The following FAM13A variants were observed in gnomAD, a reference collection of about 807,000 sequenced individuals.
FAM13A encodes the protein protein FAM13A.
Under a neutral mutation model 129.6 loss-of-function variants are expected in FAM13A, and 76 were observed. The observed-to-expected ratio is 0.59, with a 90% CI of 0.49 to 0.71. The LOEUF is 0.71. FAM13A is among the 30% of genes least tolerant of loss of function. The pLI is 0.00. For synonymous variants in FAM13A, 443 were observed against 449.9 expected (o/e 0.98, Z 0.20); for missense variants, 1,108 against 1,249.3 (o/e 0.89, Z 1.70).
At chr4:88,840,907 T>C (rs977510572) in intron 7 of FAM13A, among the ~76,000 whole-genome samples, 3 of 152,094 alleles carry the variant, frequency 2.0e-5, no homozygotes, top group African/African-American at 7.2e-5. Context: ...TTTCAGCAAA[T>C]GGTGCTGGGA....
chr4:88,913,081 GGAA>G (rs1224260839), intron 5 of FAM13A, among the ~76,000 whole-genome samples: 85 of 147,992 alleles, frequency 5.7e-4, no homozygotes, highest in South Asian at 1.9e-3. Flanking sequence ...AAGAGGAGGA[GGAA>G]GAAGAAGAAG....
intron 7 of FAM13A, among the ~76,000 whole-genome samples, chr4:88,850,795 A>G (rs1737432683): frequency 6.6e-6 from 1 of 152,244 alleles, no homozygotes; most frequent in African/African-American, 2.4e-5. Flanking sequence ...TCTGTTGATT[A>G]AATCACTTGT....
chr4:88,986,093 G>A (rs1173037064), intron 4 of FAM13A, among the ~76,000 whole-genome samples: 1 of 151,654 alleles, frequency 6.6e-6, no homozygotes, highest in African/African-American at 2.4e-5. Context: ...AATGATAAAA[G>A]GGAAACTTCT....
chr4:88,928,050 T>A (rs1312127549), intron 5 of FAM13A, among the ~76,000 whole-genome samples: 1 of 152,088 alleles, frequency 6.6e-6, no homozygotes, highest in Non-Finnish European at 1.5e-5. Flanking sequence ...TTCATCTGAT[T>A]CAAAAAATTT....
rs767609896 is a variant in FAM13A, at chr4:88,749,001, C to T, written c.2112G>A (p.Glu704=). The change falls in exon 17 of 24, where the codon GAG becomes GAA. Residue 704 remains glutamate, a synonymous_variant. Coordinates refer to ENST00000264344, the MANE Select transcript of FAM13A (RefSeq NM_014883.4). Reference sequence around the variant, plus strand: ...CAAGGTCATTTGTCCATTTCAGAACCTCCGGATTGGCTGCTTTGTCACTGT... The same window carrying T: ...CAAGGTCATTTGTCCATTTCAGAACTTCCGGATTGGCTGCTTTGTCACTGT... The part of the protein sequence containing the change: ...PSHSDKAANP[E]VLKWTNDLAK... The T allele has an allele frequency of 1.2e-6, 2 of 1,614,034 alleles. No individual in the cohort carries two copies.
At chr4:88,939,201 G>C (rs1754340967) in intron 4 of FAM13A, among the ~76,000 whole-genome samples, 1 of 152,062 alleles carries the variant, frequency 6.6e-6, no homozygotes, top group African/African-American at 2.4e-5. Flanking sequence ...GGTGTCAGCT[G>C]GGCTATACTC....
chr4:88,860,359 A>C (rs753908562), intron 6 of FAM13A, among the ~76,000 whole-genome samples: 2 of 152,240 alleles, frequency 1.3e-5, no homozygotes, highest in Non-Finnish European at 2.9e-5. Flanking sequence ...GTGCTGTAAG[A>C]CTTACACTGT....
intron 7 of FAM13A, among the ~76,000 whole-genome samples, chr4:88,834,469 T>A (rs189364937): frequency 2.1e-4 from 32 of 152,272 alleles, no homozygotes; most frequent in African/African-American, 7.0e-4. Flanking sequence ...AAAAAAGCAC[T>A]GAAATTAACT....
chr4:88,756,526 C>CA lies in FAM13A; in HGVS notation c.1726+2227dup, dbSNP rs796969312. Among the ~76,000 whole-genome samples the CA allele has an allele frequency of 5.7e-4, 86 of 152,010 alleles. 1 individual carries two copies. The highest frequency in any genetic ancestry group is 1.9e-3 in the African/African-American group (80 of 41,494). Reference sequence around the variant, plus strand: ...TGGGGATGGGAAGGAGCAACCAAACCAAAAAAGAGGGGATGGTGCCTTGAA... The same window carrying CA: ...TGGGGATGGGAAGGAGCAACCAAACCAAAAAAAGAGGGGATGGTGCCTTGAA... On this transcript the variant is annotated intron_variant, in intron 14 of 23. Transcript: ENST00000264344.
intron 7 of FAM13A, among the ~76,000 whole-genome samples, chr4:88,829,604 T>C (rs1328227701): frequency 6.6e-6 from 1 of 152,352 alleles, no homozygotes; most frequent in Non-Finnish European, 1.5e-5. Context: ...TATTCTGGTG[T>C]TGTTATACAA....
At chr4:88,742,518 A>C (rs1438796812) in intron 19 of FAM13A, among the ~76,000 whole-genome samples, 2 of 152,358 alleles carry the variant, frequency 1.3e-5, no homozygotes, top group East Asian at 3.9e-4. Flanking sequence ...AGGTAAGAGA[A>C]AGGTAAGAAT....
rs148935691 is a variant in FAM13A at position 88,857,987 on chromosome 4, T to C, written c.844-6804A>G. 1.3e-3 allele frequency among the ~76,000 whole-genome samples: 201 copies of C among 152,362 alleles called. 1 individual carries two copies. Among genetic ancestry groups the C allele is most frequent in the African/African-American group, 4.6e-3 (193 of 41,588 alleles). On this transcript the variant is annotated intron_variant, in intron 6 of 23. Coordinates refer to ENST00000264344, the MANE Select transcript of FAM13A (RefSeq NM_014883.4). ...ATATATTAATTCTATTGTGTAAACA[T>C]TGCTCTTATTTTAGAACTTTCATTT...
At chr4:88,880,417 AG>A (rs1329443813) in intron 6 of FAM13A, among the ~76,000 whole-genome samples, 2 of 152,038 alleles carry the variant, frequency 1.3e-5, no homozygotes, top group Non-Finnish European at 2.9e-5. Flanking sequence ...AGGAAGCAGC[AG>A]GAAGAGCTCT....
chr4:88,833,923 T>C (rs988035760), intron 7 of FAM13A, among the ~76,000 whole-genome samples: 3 of 152,052 alleles, frequency 2.0e-5, no homozygotes, highest in Non-Finnish European at 4.4e-5. Flanking sequence ...ATTAATTTAA[T>C]TTAATTTTAC....
rs556045389 is a variant in FAM13A at position 88,906,362 on chromosome 4, G to C, written c.843+17C>G. 110 of 1,531,596 alleles carry C rather than the reference G, an allele frequency of 7.2e-5. No individual in the cohort carries two copies. The South Asian group carries it at 9.1e-4, about 13-fold the overall frequency. The allele number at this position is 1,531,596 out of a possible 1,614,324, so 94.9% of individuals were successfully genotyped here. A position where few individuals can be genotyped will look rare whatever the true frequency, so the allele number is the denominator to read the frequency against. On this transcript the variant is annotated intron_variant, in intron 6 of 23. Transcript: ENST00000264344. The stretch of plus-strand genomic sequence containing the variant: ...TAAAGATTTCACATGGTCGCCTACA[G>C]AGAAAACATAGTTTACCTTGGTTTT...
rs149708979 is a variant in FAM13A, at chr4:88,946,216, G to C, written c.606-7975C>G. Among the ~76,000 whole-genome samples the C allele has an allele frequency of 5.8e-3, 872 of 151,262 alleles. 6 individuals carry two copies. Among genetic ancestry groups the C allele is most frequent in the Middle Eastern group, 0.017 (5 of 292 alleles). Reference sequence around the variant, plus strand: ...TTAAGCTAATAGCCAATCAGGTAAAGTGTAAAATGCGAGGTCCTATTCCAG... The same window carrying C: ...TTAAGCTAATAGCCAATCAGGTAAACTGTAAAATGCGAGGTCCTATTCCAG... On this transcript the variant is annotated intron_variant, in intron 4 of 23. Transcript: ENST00000264344.
chr4:88,839,471 A>G (rs1360828618), intron 7 of FAM13A, among the ~76,000 whole-genome samples: 2 of 152,266 alleles, frequency 1.3e-5, no homozygotes, highest in Non-Finnish European at 2.9e-5. Context: ...TAGACAGTCA[A>G]TAGACAAAGG....
chr4:88,790,537 A>C, intron 9 of FAM13A, 49 bp downstream of exon 9: 3 of 1,364,254 alleles, frequency 2.2e-6, no homozygotes, highest in Non-Finnish European at 3.1e-6. Context: ...GGGACAGGGC[A>C]TTAAAAAAAA....
intron 7 of FAM13A, among the ~76,000 whole-genome samples, chr4:88,833,199 G>A (rs111403546): frequency 7.4e-4 from 112 of 152,262 alleles, no homozygotes; most frequent in African/African-American, 2.6e-3. Context: ...TGGACACTGG[G>A]AGCAGAACAA....
Sources: allele counts gnomAD v4.1 joint callset (sites outside exome capture counted in the v4.1 genomes callset), GRCh38; gene constraint gnomAD v4.1.1; transcripts MANE v1.5; gene names NCBI Gene and HGNC (gene_info 2026-07-23, HGNC 2026-07-21).